ZSCAN2: variants seen among roughly 807,000 people sequenced by gnomAD.
ZSCAN2 encodes zinc finger and SCAN domain-containing protein 2.
ZSCAN2 carries 26 observed loss-of-function variants against 47.8 expected under a neutral mutation model. The ratio of observed to expected loss-of-function variants is 0.54; its 90% CI spans 0.40 to 0.75. The LOEUF is 0.75. ZSCAN2 is among the 30% of genes least tolerant of loss of function. ZSCAN2 has a pLI of 0.00. For missense variants in ZSCAN2, 732 were observed against 785.4 expected, an observed-to-expected ratio of 0.93 and a Z score of 0.81; for synonymous variants, 305 against 288.7, an observed-to-expected ratio of 1.06 and a Z score of -0.57.
In ZSCAN2 at chr15:84,620,739, G is replaced by A; in HGVS notation, c.544G>A (p.Ala182Thr). 6.2e-7 allele frequency: 1 copy of A among 1,614,226 alleles called. No homozygotes were observed. The highest frequency in any genetic ancestry group is 8.5e-7 in the Non-Finnish European group (1 of 1,180,046). Residue 182 changes from alanine (A) to threonine (T), a missense_variant, in exon 3 of 3, where the codon GCT (alanine) becomes ACT (threonine). Transcript: ENST00000546148. ...SDGESDFERD[A>T]GIQRLQGHSP... ...TGGGGAAAGTGACTTTGAGAGAGAT[G>A]CTGGCATCCAGAGGCTCCAGGGACA...
rs1449604532 is a variant in ZSCAN2, at chr15:84,623,382, G to A, written c.*1342G>A. 2.1e-5 allele frequency: 4 copies of A among 193,670 alleles called. No individual in the cohort carries two copies. Among genetic ancestry groups the A allele is most frequent in the South Asian group, 8.8e-5 (1 of 11,358 alleles). 12.0% of individuals were successfully genotyped at this position (193,670 alleles called of 1,614,324 possible). On this transcript the variant is annotated 3_prime_UTR_variant, in exon 3 of 3. Transcript: ENST00000546148. ...GCTGGGATTACAGGCGTGAGCCAGC[G>A]CACCCGGCCAAGAACATTATTTTTA...
At chr15:84,620,574 CATT>C (rs777047814) in intron 2 of ZSCAN2, 25 bp from the exon 3 acceptor site, 6 of 1,555,594 alleles carry the variant, frequency 3.9e-6, no homozygotes, top group Non-Finnish European at 5.3e-6. Context: ...GTTGAGTAGA[CATT>C]GTATGTTTTT....
intron 2 of ZSCAN2, among the ~76,000 whole-genome samples, chr15:84,610,481 TTTC>T (rs1895511950): frequency 2.3e-5 from 3 of 130,898 alleles, no homozygotes; most frequent in South Asian, 4.7e-4. Context: ...TCTTTCTTTC[TTTC>T]TTTCTTTTTT....
intron 2 of ZSCAN2, among the ~76,000 whole-genome samples, chr15:84,611,422 T>C (rs1168097388): frequency 6.6e-6 from 1 of 151,948 alleles, no homozygotes; most frequent in Non-Finnish European, 1.5e-5. Flanking sequence ...ACCACTGCAC[T>C]CCAGCCTGGG....
chr15:84,614,177 G>T (rs1380123819), intron 2 of ZSCAN2, among the ~76,000 whole-genome samples: 1 of 150,558 alleles, frequency 6.6e-6, no homozygotes, highest in Admixed American at 6.6e-5. Context: ...TTTTTGTAGA[G>T]ATGAGGTCTT....
At chr15:84,620,084 C>T (rs1895781794) in intron 2 of ZSCAN2, among the ~76,000 whole-genome samples, 1 of 152,090 alleles carries the variant, frequency 6.6e-6, no homozygotes, top group African/African-American at 2.4e-5. Flanking sequence ...GCTATTCTTC[C>T]TGATGCTCTC....
chr15:84,622,211 T>G lies in ZSCAN2; in HGVS notation c.*171T>G. On this transcript the variant is annotated 3_prime_UTR_variant, in exon 3 of 3. Transcript: ENST00000546148. The stretch of plus-strand genomic sequence containing the variant: ...GACACTGTCATTTTAGTGGTCTGAG[T>G]CAAGTCCCGTATACATTCAAGAACA... The G allele has an allele frequency of 1.5e-6, 1 of 659,074 alleles. No individual in the cohort carries two copies. The highest frequency in any genetic ancestry group is 2.0e-5 in the South Asian group (1 of 50,462). 40.8% of individuals were successfully genotyped at this position (659,074 alleles called of 1,614,324 possible).
chr15:84,604,355 G>T (rs1391354289), intron 2 of ZSCAN2, 22 bp downstream of exon 2: 1 of 1,578,482 alleles, frequency 6.3e-7, no homozygotes, highest in Admixed American at 1.8e-5. Flanking sequence ...AACCTCATAG[G>T]GAGAGGGCGG....
chr15:84,603,277 G>A (rs540600711), intron 1 of ZSCAN2, among the ~76,000 whole-genome samples: 4 of 152,020 alleles, frequency 2.6e-5, no homozygotes, highest in Non-Finnish European at 5.9e-5. Context: ...CAGTATTTCA[G>A]TCATGGGTTT....
chr15:84,605,037 C>G (rs1170171785), intron 2 of ZSCAN2, among the ~76,000 whole-genome samples: 1 of 152,172 alleles, frequency 6.6e-6, no homozygotes, highest in Non-Finnish European at 1.5e-5. Flanking sequence ...CGCCTGGCCC[C>G]AAAGTGGTTA....
chr15:84,603,827 ACTT>A lies in ZSCAN2; in HGVS notation c.-100_-98del. On this transcript the variant is annotated 5_prime_UTR_variant, in exon 2 of 3. Coordinates refer to ENST00000546148, the MANE Select transcript of ZSCAN2 (RefSeq NM_181877.4). Reference sequence around the variant, plus strand: ...CTCTTTTTTGTTTCTCAGCGGGACTACTTGTTGATATTTGAGGAGGGAAGTGTC... The same window carrying A: ...CTCTTTTTTGTTTCTCAGCGGGACTAGTTGATATTTGAGGAGGGAAGTGTC... 4 of 1,353,946 alleles carry A rather than the reference ACTT, an allele frequency of 3.0e-6. No individual in the cohort carries two copies. Among genetic ancestry groups the A allele is most frequent in the Non-Finnish European group, 4.1e-6 (4 of 985,852 alleles). 83.9% of individuals were successfully genotyped at this position (1,353,946 alleles called of 1,614,324 possible).
At chr15:84,619,827 G>A (rs2141797363) in intron 2 of ZSCAN2, among the ~76,000 whole-genome samples, 1 of 152,142 alleles carries the variant, frequency 6.6e-6, no homozygotes, top group South Asian at 2.1e-4. Flanking sequence ...ACAGGTAGTG[G>A]GGACATGGAA....
chr15:84,620,493 T>C lies in ZSCAN2; in HGVS notation c.407-109T>C, dbSNP rs1461887173. The C allele has an allele frequency of 1.2e-5, 12 of 960,544 alleles. No individual in the cohort carries two copies. In the Admixed American group the frequency reaches 2.6e-4, roughly 21 times the overall value. 59.5% of individuals were successfully genotyped at this position (960,544 alleles called of 1,614,324 possible). A position where few individuals can be genotyped will look rare whatever the true frequency, so the allele number is the denominator to read the frequency against. On this transcript the variant is annotated intron_variant, in intron 2 of 2. Transcript: ENST00000546148. ...TAAAGGCTTTGAGGATTTTCTAGCC[T>C]CTTTGTGTTCACTGGAAGTTTAATT... is the stretch of plus-strand genomic sequence containing the variant.
chr15:84,606,087 A>C (rs1285283669), intron 2 of ZSCAN2, among the ~76,000 whole-genome samples: 3 of 152,210 alleles, frequency 2.0e-5, no homozygotes, highest in African/African-American at 7.2e-5. Context: ...ATGCAGATGG[A>C]ATTAAGACAG....
chr15:84,617,400 C>T (rs1412445245), intron 2 of ZSCAN2, among the ~76,000 whole-genome samples: 1 of 152,060 alleles, frequency 6.6e-6, no homozygotes, highest in Non-Finnish European at 1.5e-5. Flanking sequence ...CGCGCCACTG[C>T]ACTCCAGCCT....
rs547172279 is a variant in ZSCAN2 at position 84,620,633 on chromosome 15, C to A, written c.438C>A (p.Asn146Lys). The A allele has an allele frequency of 1.2e-6, 2 of 1,609,940 alleles. No individual in the cohort carries two copies. Among genetic ancestry groups the A allele is most frequent in the South Asian group, 2.2e-5 (2 of 90,984 alleles). Residue 146 changes from asparagine (N) to lysine (K), a missense_variant, in exon 3 of 3, where the codon AAC becomes AAA. Asn to Lys is a moderately conservative substitution (Grantham distance 94). This residue lies in a region of ZSCAN2 where 320 missense variants were observed against 287.4 expected (regional missense o/e 1.11). Transcript: ENST00000546148. ...AGATACAGAGTGAAAATGGGGAGAA[C>A]TGTAATCAAGACATGTTTGAGAATG... ...DFEIQSENGENCNQDMFENES... is the reference protein window; with the variant it reads ...DFEIQSENGEKCNQDMFENES...
Position 84,604,352 on chromosome 15 carries a change from T to TAGGGAGAGGGCGGGAGCACCCTTCCA in ZSCAN2, c.406+23_406+48dup, listed in dbSNP as rs775805108. The TAGGGAGAGGGCGGGAGCACCCTTCCA allele has an allele frequency of 2.5e-6, 4 of 1,587,740 alleles. No homozygotes were observed. The highest frequency in any genetic ancestry group is 3.4e-6 in the Non-Finnish European group (4 of 1,165,800). ...GACAGTGGTGAGACGCAGAACCTCA[T>TAGGGAGAGGGCGGGAGCACCCTTCCA]AGGGAGAGGGCGGGAGCACCCTTCC... is the stretch of plus-strand genomic sequence containing the variant. On this transcript the variant is annotated intron_variant, in intron 2 of 2. Transcript: ENST00000546148.
chr15:84,619,703 C>A (rs1187297421), intron 2 of ZSCAN2, among the ~76,000 whole-genome samples: 1 of 152,136 alleles, frequency 6.6e-6, no homozygotes, highest in Non-Finnish European at 1.5e-5. Context: ...CTCATTCATG[C>A]ACTCATTACA....
At chr15:84,606,283 A>G (rs771281210) in intron 2 of ZSCAN2, 10 of 455,230 alleles carry the variant, frequency 2.2e-5, no homozygotes, top group Non-Finnish European at 3.6e-5. Context: ...GGGCACCTTC[A>G]TGCTTGTCTC....
Sources: gnomAD v4.1 joint callset for allele counts (sites outside exome capture counted in the v4.1 genomes callset) on GRCh38, gnomAD v4.1.1 for gene constraint, gnomAD v4.1.1 regional missense constraint, MANE v1.5 for transcripts, NCBI Gene and HGNC (gene_info 2026-07-23, HGNC 2026-07-21) for gene names.